Variants in UBL3 observed in about 807,000 individuals in gnomAD.
The protein encoded by UBL3 is ubiquitin like 3.
In UBL3, 6 loss-of-function variants were observed where a neutral mutation model predicts 18.4. The ratio of observed to expected loss-of-function variants is 0.33; its 90% CI spans 0.18 to 0.64. The LOEUF (loss-of-function observed/expected upper bound fraction) is 0.64, where lower values mean the gene tolerates loss of function less well. Among genes scored for constraint, UBL3 ranks in the 30% least tolerant of loss-of-function variants. The pLI is 0.76. For synonymous variants in UBL3, 49 were observed against 46.6 expected, an observed-to-expected ratio of 1.05 and a Z score of -0.21; for missense variants, 109 against 142.9, an observed-to-expected ratio of 0.76 and a Z score of 1.21.
chr13:29,780,367 A>AAAATATAT (rs1359464345), intron 1 of UBL3, among the ~76,000 whole-genome samples: 4 of 103,308 alleles, frequency 3.9e-5, no homozygotes, highest in African/African-American at 1.6e-4. Flanking sequence ...AAAAAAAAAA[A>AAAATATAT]ATATATATAT....
intron 1 of UBL3, among the ~76,000 whole-genome samples, chr13:29,839,837 G>A (rs959484897): frequency 1.3e-5 from 2 of 151,478 alleles, no homozygotes; most frequent in Non-Finnish European, 2.9e-5. Context: ...TGAGGCAGGA[G>A]AATGGCGTGA....
chr13:29,774,556 C>T (rs142178301), intron 2 of UBL3, among the ~76,000 whole-genome samples: 36 of 152,114 alleles, frequency 2.4e-4, no homozygotes, highest in African/African-American at 7.0e-4. Flanking sequence ...ATATCTTTAG[C>T]TTTTCTGAAA....
intron 3 of UBL3, among the ~76,000 whole-genome samples, chr13:29,770,031 C>CAA (rs1056662333): frequency 1.3e-5 from 2 of 151,976 alleles, no homozygotes; most frequent in African/African-American, 4.8e-5. Flanking sequence ...ATATTCTTTC[C>CAA]TATATTGAAG....
intron 1 of UBL3, among the ~76,000 whole-genome samples, chr13:29,794,575 G>A (rs1470265608): frequency 2.0e-5 from 3 of 152,138 alleles, no homozygotes; most frequent in East Asian, 1.9e-4. Context: ...ATAGAGCTAC[G>A]CAGTCACCAG....
chr13:29,833,408 TAGTG>T (rs749929231), intron 1 of UBL3, among the ~76,000 whole-genome samples: 7 of 150,704 alleles, frequency 4.6e-5, no homozygotes, highest in African/African-American at 1.7e-4. Context: ...CTGCCCAAAT[TAGTG>T]AGGAAAATAA....
intron 1 of UBL3, among the ~76,000 whole-genome samples, chr13:29,834,952 T>A (rs748426459): frequency 6.6e-6 from 1 of 151,070 alleles, no homozygotes; most frequent in Non-Finnish European, 1.5e-5. Context: ...TAAATTTGTT[T>A]CAAGTAATAA....
rs1565986524 is a variant in UBL3 at position 29,764,928 on chromosome 13, CTA to C, written c.*2325_*2326del. The C allele has an allele frequency of 6.6e-6, 1 of 152,142 alleles. No individual in the cohort carries two copies. Among genetic ancestry groups the C allele is most frequent in the African/African-American group, 2.4e-5 (1 of 41,410 alleles). 9.4% of individuals were successfully genotyped at this position (152,142 alleles called of 1,614,324 possible). ...GACAGCTGAGTATTTCACGTATATACTATTAAGGCATCTAAATTTTTGGTGTT... is the reference window on the plus strand; with the variant it reads ...GACAGCTGAGTATTTCACGTATATACTTAAGGCATCTAAATTTTTGGTGTT... On this transcript the variant is annotated 3_prime_UTR_variant, in exon 5 of 5. Transcript: ENST00000380680.
chr13:29,792,675 C>T (rs1424608731), intron 1 of UBL3, among the ~76,000 whole-genome samples: 1 of 152,184 alleles, frequency 6.6e-6, no homozygotes, highest in Non-Finnish European at 1.5e-5. Context: ...CTTATTTATA[C>T]ATAGATGTCT....
At chr13:29,833,633 T>TGA (rs1878842350) in intron 1 of UBL3, among the ~76,000 whole-genome samples, 1 of 152,216 alleles carries the variant, frequency 6.6e-6, no homozygotes, top group South Asian at 2.1e-4. Flanking sequence ...AACATCTCTG[T>TGA]GAGCCCTTCC....
intron 3 of UBL3, among the ~76,000 whole-genome samples, chr13:29,771,211 T>C (rs765930225): frequency 5.4e-4 from 82 of 152,062 alleles, no homozygotes; most frequent in Non-Finnish European, 8.7e-4. Context: ...ATATTAGGTT[T>C]AGAGGAAAAA....
intron 3 of UBL3, among the ~76,000 whole-genome samples, chr13:29,770,702 A>AT (rs1048714748): frequency 2.0e-5 from 3 of 152,150 alleles, no homozygotes; most frequent in African/African-American, 7.2e-5. Context: ...GCCATGGAGA[A>AT]TTTTAAAAAG....
intron 1 of UBL3, among the ~76,000 whole-genome samples, chr13:29,818,361 A>C (rs908700246): frequency 6.6e-6 from 1 of 152,244 alleles, no homozygotes; most frequent in Non-Finnish European, 1.5e-5. Context: ...GAGACACTTA[A>C]CATCAATTAT....
chr13:29,790,838 T>TC, intron 1 of UBL3, among the ~76,000 whole-genome samples: 1 of 152,192 alleles, frequency 6.6e-6, no homozygotes, highest in Non-Finnish European at 1.5e-5. Context: ...TGGTTTTTCT[T>TC]CCTTTTATAA....
At chr13:29,804,308 A>G (rs1877846336) in intron 1 of UBL3, among the ~76,000 whole-genome samples, 1 of 152,176 alleles carries the variant, frequency 6.6e-6, no homozygotes, top group Non-Finnish European at 1.5e-5. Flanking sequence ...TCTCTGGGAC[A>G]CAGCTAAAGA....
intron 1 of UBL3, among the ~76,000 whole-genome samples, chr13:29,826,834 T>C (rs1878633528): frequency 6.6e-6 from 1 of 152,224 alleles, no homozygotes; most frequent in Non-Finnish European, 1.5e-5. Context: ...TGCTATATAT[T>C]TCCCTCTACA....
At chr13:29,797,763 C>G (rs1330320153) in intron 1 of UBL3, among the ~76,000 whole-genome samples, 1 of 151,924 alleles carries the variant, frequency 6.6e-6, no homozygotes, top group Non-Finnish European at 1.5e-5. Flanking sequence ...AATGGCTGTC[C>G]CTGGTTTGTC....
In UBL3 at chr13:29,767,124, C is replaced by T; in HGVS notation, c.*131G>A. The T allele has an allele frequency of 1.3e-6, 1 of 764,000 alleles. No individual in the cohort carries two copies. The highest frequency in any genetic ancestry group is 1.8e-5 in the African/African-American group (1 of 55,612). 47.3% of individuals were successfully genotyped at this position (764,000 alleles called of 1,614,324 possible). ...TTTCATGAGAAAAGATGACAGTGTT[C>T]ATGTGGTAATTCAGTTCCATGTGTT... On this transcript the variant is annotated 3_prime_UTR_variant, in exon 5 of 5. Coordinates refer to ENST00000380680, the MANE Select transcript of UBL3 (RefSeq NM_007106.4).
intron 2 of UBL3, among the ~76,000 whole-genome samples, chr13:29,773,428 C>G (rs1335118621): frequency 6.6e-6 from 1 of 152,090 alleles, no homozygotes; most frequent in Non-Finnish European, 1.5e-5. Flanking sequence ...GTCTCTAACA[C>G]TATAGTATGA....
chr13:29,824,910 C>A (rs1193108530), intron 1 of UBL3, among the ~76,000 whole-genome samples: 1 of 152,188 alleles, frequency 6.6e-6, no homozygotes, highest in Non-Finnish European at 1.5e-5. Context: ...GATCCAGTTT[C>A]AGCTTTCTAC....
Sources: allele counts gnomAD v4.1 joint callset (sites outside exome capture counted in the v4.1 genomes callset), GRCh38; gene constraint gnomAD v4.1.1; transcripts MANE v1.5; gene names NCBI Gene and HGNC (gene_info 2026-07-23, HGNC 2026-07-21).